Variants in RUFY3 observed in about 807,000 individuals in gnomAD.
The protein encoded by RUFY3 is protein RUFY3.
A neutral mutation model predicts 84.0 loss-of-function variants in RUFY3; 34 were observed. The ratio of observed to expected loss-of-function variants is 0.40; its 90% confidence interval spans 0.31 to 0.54. The LOEUF (loss-of-function observed/expected upper bound fraction) is 0.54. Ranked by LOEUF, RUFY3 falls within the 20% of genes least tolerant of loss-of-function variation. The probability of loss-of-function intolerance (pLI) is 0.39; values close to 1 mark genes in which losing one functional copy is unlikely to be tolerated. For missense variants in RUFY3, 507 were observed against 736.8 expected, an observed-to-expected ratio of 0.69 and a Z score of 3.61; for synonymous variants, 242 against 252.9, an observed-to-expected ratio of 0.96 and a Z score of 0.41.
chr4:70,772,424 C>T (rs1490778856), intron 5 of RUFY3, among the ~76,000 whole-genome samples: 1 of 152,120 alleles, frequency 6.6e-6, no homozygotes, highest in African/African-American at 2.4e-5. Flanking sequence ...CTGGCTTCCT[C>T]ATTTTCTAGC....
intron 7 of RUFY3, among the ~76,000 whole-genome samples, chr4:70,775,814 T>A (rs1234590324): frequency 6.6e-6 from 1 of 152,018 alleles, no homozygotes; most frequent in Non-Finnish European, 1.5e-5. Flanking sequence ...GGCATGTGCC[T>A]GTAGTCCCAG....
rs1338932151 is a variant in RUFY3, at chr4:70,722,529, GTGTGTGTGTGTC to G, written c.-33_-22del. 1.2e-5 allele frequency: 18 copies of G among 1,556,072 alleles called. No homozygotes were observed. The highest frequency in any genetic ancestry group is 2.3e-4 in the Middle Eastern group (1 of 4,388). On this transcript the variant is annotated 5_prime_UTR_variant, in exon 1 of 18. Transcript: ENST00000381006. ...TTATTTTTTTGGTGTGTGTGTGTGA[GTGTGTGTGTGTC>G]TGTGTGTGTGTTGTGGTCCCAGCTG...
At chr4:70,704,195 A>C (rs1052666050), upstream of RUFY3, 4 of 152,266 alleles carry the variant, frequency 2.6e-5, no homozygotes, top group African/African-American at 9.6e-5. Flanking sequence ...AGGGAATTAA[A>C]GTCAAAGCAA....
chr4:70,717,827 G>C (rs956655203), upstream of RUFY3, among the ~76,000 whole-genome samples: 9 of 150,204 alleles, frequency 6.0e-5, no homozygotes, highest in Non-Finnish European at 1.0e-4. Flanking sequence ...TAAAGAGAAG[G>C]TATCAATCTC....
rs1741503904 is a variant in RUFY3, at chr4:70,715,739, C to A, written c.358+10445C>A. Among the ~76,000 whole-genome samples, 4 of 152,122 alleles carry A rather than the reference C, an allele frequency of 2.6e-5. No individual in the cohort carries two copies. In the South Asian group the frequency reaches 8.3e-4, roughly 32 times the overall value. On this transcript the variant is annotated intron_variant, in intron 1 of 11. Coordinates refer to the RUFY3 transcript ENST00000417478. ...TTTGTGAGCTTTACAAATTTAGTTG[C>A]ACAACTTGACAAATTTTAGGAAGAA... is the stretch of plus-strand genomic sequence containing the variant.
chr4:70,748,208 T>C (rs964690719), intron 1 of RUFY3, among the ~76,000 whole-genome samples: 4 of 152,218 alleles, frequency 2.6e-5, no homozygotes, highest in African/African-American at 9.6e-5. Flanking sequence ...CCTCCATTAA[T>C]ATCCAAGTCT....
At chr4:70,705,473 G>C (rs1331896954) in intron 1 of RUFY3, among the ~76,000 whole-genome samples, 2 of 152,172 alleles carry the variant, frequency 1.3e-5, no homozygotes, top group African/African-American at 2.4e-5. Flanking sequence ...CGGTGAGGAG[G>C]CAGCGGGACG....
intron 8 of RUFY3, among the ~76,000 whole-genome samples, chr4:70,782,225 C>T (rs571554731): frequency 8.4e-4 from 128 of 151,546 alleles, no homozygotes; most frequent in Non-Finnish European, 1.7e-3. Context: ...TCTATAAGAA[C>T]ACCCTTGAGA....
intron 12 of RUFY3, chr4:70,792,875 T>C (rs2148804835): frequency 1.0e-6 from 1 of 985,424 alleles, no homozygotes. Flanking sequence ...TTTGCACCTA[T>C]ATAAACAAAG....
At chr4:70,792,080 T>G in intron 12 of RUFY3, 1 of 985,726 alleles carries the variant, frequency 1.0e-6, no homozygotes, top group Non-Finnish European at 1.2e-6. Context: ...CGCTTCCTAC[T>G]TAGGCAGTTC....
intron 7 of RUFY3, among the ~76,000 whole-genome samples, chr4:70,777,464 A>T (rs983047670): frequency 6.6e-6 from 1 of 152,182 alleles, no homozygotes; most frequent in African/African-American, 2.4e-5. Context: ...AATTTAAGTA[A>T]AACTTATAAT....
chr4:70,725,172 A>G (rs76402783), intron 1 of RUFY3, among the ~76,000 whole-genome samples: 2 of 152,118 alleles, frequency 1.3e-5, no homozygotes, highest in South Asian at 2.1e-4. Context: ...TCTTAAAACC[A>G]GAGTTCCTGG....
At chr4:70,790,750 T>C (rs1730677480) in intron 12 of RUFY3, among the ~76,000 whole-genome samples, 1 of 152,340 alleles carries the variant, frequency 6.6e-6, no homozygotes, top group Admixed American at 6.5e-5. Context: ...ATTAGATCTG[T>C]CGCAGTGCCT....
At chr4:70,781,817 C>T (rs1339477736) in intron 8 of RUFY3, among the ~76,000 whole-genome samples, 1 of 152,182 alleles carries the variant, frequency 6.6e-6, no homozygotes, top group Non-Finnish European at 1.5e-5. Flanking sequence ...AGGAGACTAG[C>T]CTGGCTGAGA....
At chr4:70,775,464 A>T (rs1486905836) in intron 7 of RUFY3, among the ~76,000 whole-genome samples, 2 of 151,380 alleles carry the variant, frequency 1.3e-5, no homozygotes, top group African/African-American at 4.8e-5. Flanking sequence ...ATAACATAGT[A>T]TATAATATTA....
chr4:70,806,597 G>A lies in RUFY3; in HGVS notation c.1801G>A (p.Glu601Lys), dbSNP rs764540621. Residue 601 changes from glutamate to lysine, a missense_variant, in exon 18 of 18, where the codon GAG becomes AAG. Physicochemically the swap from Glu to Lys is moderately conservative, Grantham distance 56. Around this residue, in one of 4 missense-constraint regions of RUFY3, gnomAD observed 334 missense variants for 364.1 expected, o/e 0.92. Transcript: ENST00000381006. ...GCCTCTTCCTTCAAGTATCAAGCTT[G>A]AGCGAGTTTGCAATCCCTGTCACAA... ...ELPLPSSIKL[E>K]RVCNPCHKHL... The A allele has an allele frequency of 6.2e-7, 1 of 1,614,136 alleles. No homozygotes were observed. Among genetic ancestry groups the A allele is most frequent in the East Asian group, 2.2e-5 (1 of 44,872 alleles).
intron 1 of RUFY3, among the ~76,000 whole-genome samples, chr4:70,733,095 GGAGAGA>G (rs1203024723): frequency 8.1e-5 from 5 of 61,710 alleles, no homozygotes; most frequent in African/African-American, 3.3e-4. Context: ...GAGAGAGAGA[GGAGAGA>G]GAGAGAGAGA....
At chr4:70,763,065 T>A (rs1341067653) in intron 2 of RUFY3, among the ~76,000 whole-genome samples, 2 of 152,194 alleles carry the variant, frequency 1.3e-5, no homozygotes, top group Non-Finnish European at 2.9e-5. Context: ...TCAGTGTTCT[T>A]TCCACTTAAC....
At chr4:70,721,369 AAG>A (rs1176366840), upstream of RUFY3, among the ~76,000 whole-genome samples, 1 of 152,128 alleles carries the variant, frequency 6.6e-6, no homozygotes. Flanking sequence ...CAAAATCAAA[AAG>A]GGGGGAAATT....
Sources: allele counts gnomAD v4.1 joint callset (sites outside exome capture counted in the v4.1 genomes callset), GRCh38; gene constraint gnomAD v4.1.1; regional missense constraint gnomAD v4.1.1; transcripts MANE v1.5; gene names NCBI Gene and HGNC (gene_info 2026-07-23, HGNC 2026-07-21).